Variants in C5orf22 observed in about 807,000 individuals in gnomAD.
C5orf22 encodes chromosome 5 open reading frame 22, also known as UPF0489 protein C5orf22.
Under a neutral mutation model 48.7 loss-of-function variants are expected in C5orf22, and 36 were observed. The observed-to-expected ratio is 0.74, with a 90% CI of 0.57 to 0.98. C5orf22 has a LOEUF of 0.98. C5orf22 is among the 50% of genes least tolerant of loss of function. The pLI is 0.00. For synonymous variants in C5orf22, 141 were observed against 180.8 expected, an observed-to-expected ratio of 0.78 and a Z score of 1.76; for missense variants, 486 against 521.9, an observed-to-expected ratio of 0.93 and a Z score of 0.67.
intron 3 of C5orf22, among the ~76,000 whole-genome samples, chr5:31,536,757 T>C (rs1219828227): frequency 1.3e-5 from 2 of 152,222 alleles, no homozygotes; most frequent in Non-Finnish European, 2.9e-5. Flanking sequence ...TTTAACAATG[T>C]TTTGTGTATC....
chr5:31,532,326 G>A lies in C5orf22; in HGVS notation c.-67G>A. The A allele has an allele frequency of 1.3e-6, 2 of 1,549,672 alleles. No homozygotes were observed. The highest frequency in any genetic ancestry group is 1.8e-6 in the Non-Finnish European group (2 of 1,122,816). ...GCCCGGAGAGAGCTGGCCGGGATGA[G>A]GCGCCGGCTTTCCCGGGTCTTCTCC... On this transcript the variant is annotated 5_prime_UTR_variant, in exon 1 of 9. Transcript: ENST00000325366.
intron 5 of C5orf22, 79 bp from the exon 6 acceptor site, chr5:31,541,202 C>T: frequency 6.8e-7 from 1 of 1,478,652 alleles, no homozygotes; most frequent in South Asian, 1.2e-5. Flanking sequence ...CTAATAGAGC[C>T]AAGTTTTTTT....
chr5:31,543,249 C>T (rs1403905781), intron 6 of C5orf22, among the ~76,000 whole-genome samples: 2 of 152,178 alleles, frequency 1.3e-5, no homozygotes, highest in African/African-American at 4.8e-5. Flanking sequence ...TTAATCACAT[C>T]AGTAAGTATT....
In C5orf22 at chr5:31,547,183, C is replaced by T. The variant is rs576821733; in HGVS notation, c.1059+1471C>T. On this transcript the variant is annotated intron_variant, in intron 7 of 8. Transcript: ENST00000325366. ...GCAGTCAAATCTTAAAGCTCCAAAA[C>T]GATCGTCTTTGACTCCATGTCTCAC... Among the ~76,000 whole-genome samples the T allele has an allele frequency of 2.2e-4, 34 of 152,368 alleles. No homozygotes were observed. In the East Asian group the frequency reaches 5.8e-3, roughly 26 times the overall value.
chr5:31,544,235 A>G (rs966384842), intron 6 of C5orf22, among the ~76,000 whole-genome samples: 2 of 152,158 alleles, frequency 1.3e-5, no homozygotes, highest in Non-Finnish European at 2.9e-5. Flanking sequence ...TTAAAACACT[A>G]GAAGCATTAG....
In C5orf22 at chr5:31,532,331, C is replaced by T. The variant is rs773093925; in HGVS notation, c.-62C>T. The stretch of plus-strand genomic sequence containing the variant: ...GAGAGAGCTGGCCGGGATGAGGCGC[C>T]GGCTTTCCCGGGTCTTCTCCAGCTG... On this transcript the variant is annotated 5_prime_UTR_variant, in exon 1 of 9. Transcript: ENST00000325366. The T allele has an allele frequency of 1.0e-4, 161 of 1,565,268 alleles. No individual in the cohort carries two copies. The highest frequency in any genetic ancestry group is 1.3e-4 in the Non-Finnish European group (151 of 1,136,858).
chr5:31,543,397 G>A (rs1268303510), intron 6 of C5orf22, among the ~76,000 whole-genome samples: 1 of 152,018 alleles, frequency 6.6e-6, no homozygotes, highest in Non-Finnish European at 1.5e-5. Flanking sequence ...GTGAAATCCT[G>A]TCTCTACAAA....
At chr5:31,542,935 G>A (rs1742563064) in intron 6 of C5orf22, among the ~76,000 whole-genome samples, 1 of 152,144 alleles carries the variant, frequency 6.6e-6, no homozygotes, top group Non-Finnish European at 1.5e-5. Context: ...CTTTAGGCCA[G>A]AACATGAACA....
chr5:31,539,880 TA>T (rs201735364), intron 4 of C5orf22, among the ~76,000 whole-genome samples: 3 of 151,522 alleles, frequency 2.0e-5, no homozygotes, highest in African/African-American at 4.8e-5. Context: ...CCATCTCTAT[TA>T]AAAAAAAATT....
rs1268821742 is a variant in C5orf22, at chr5:31,552,936, GGTTTAGTAACAGGCCCTTA to G, written c.*35_*53del. 1 of 1,604,304 alleles carries G rather than the reference GGTTTAGTAACAGGCCCTTA, an allele frequency of 6.2e-7. No individual in the cohort carries two copies. Among genetic ancestry groups the G allele is most frequent in the African/African-American group, 1.3e-5 (1 of 74,506 alleles). On this transcript the variant is annotated 3_prime_UTR_variant, in exon 9 of 9. Coordinates refer to ENST00000325366, the MANE Select transcript of C5orf22 (RefSeq NM_018356.3). ...AAACATTAGGCTCCTGTTGTATCTT[GGTTTAGTAACAGGCCCTTA>G]ATTAACTTATTTGTACATGAGTCTT...
chr5:31,535,199 TA>T (rs1198714832), intron 2 of C5orf22: 13 of 334,814 alleles, frequency 3.9e-5, no homozygotes. Context: ...CAAGTGTGAA[TA>T]ACCATAGTTT....
intron 6 of C5orf22, among the ~76,000 whole-genome samples, chr5:31,542,101 A>G (rs1742501847): frequency 6.6e-6 from 1 of 152,146 alleles, no homozygotes; most frequent in Non-Finnish European, 1.5e-5. Context: ...AAGTAGAGTA[A>G]GAAAGAAATA....
chr5:31,549,113 G>A (rs953534226), intron 7 of C5orf22, among the ~76,000 whole-genome samples: 1 of 152,116 alleles, frequency 6.6e-6, no homozygotes, highest in Non-Finnish European at 1.5e-5. Flanking sequence ...CAGCTACTCG[G>A]GAGGCTGAGG....
chr5:31,551,860 A>AT (rs1450751161), intron 8 of C5orf22, among the ~76,000 whole-genome samples: 5 of 152,166 alleles, frequency 3.3e-5, no homozygotes, highest in East Asian at 1.9e-4. Context: ...GTTTGTGGTG[A>AT]TTTTTTATAG....
Position 31,545,644 on chromosome 5 carries a change from A to G in C5orf22, c.993-2A>G, listed in dbSNP as rs764011319. On this transcript the variant is annotated splice_acceptor_variant, in intron 6 of 8. Coordinates refer to ENST00000325366, the MANE Select transcript of C5orf22 (RefSeq NM_018356.3). LOFTEE classifies it high-confidence loss of function. ...TAATTGAGTGGGATGGCTTTTTTCC[A>G]GAATGGAATCACTAGTTCCCCTTGT... is the stretch of plus-strand genomic sequence containing the variant. 1 of 1,609,582 alleles carries G rather than the reference A, an allele frequency of 6.2e-7. No homozygotes were observed. Among genetic ancestry groups the G allele is most frequent in the South Asian group, 1.1e-5 (1 of 90,374 alleles).
In C5orf22 at chr5:31,552,780, C is replaced by A. The variant is rs771832402; in HGVS notation, c.1207C>A (p.Leu403Met). 108 of 1,613,122 alleles carry A rather than the reference C, an allele frequency of 6.7e-5. No individual in the cohort carries two copies. In the East Asian group the frequency reaches 1.7e-3, roughly 26 times the overall value. Residue 403 changes from leucine (L) to methionine (M), a missense_variant, in exon 9 of 9, where the codon CTG (leucine) becomes ATG (methionine). Leu to Met is a conservative substitution (Grantham distance 15). This residue lies in a region of C5orf22 where 408 missense variants were observed against 444.0 expected (regional missense o/e 0.92). Transcript: ENST00000325366. Reference sequence around the variant, plus strand: ...TCTTTCTGTTGGTTCTAGGTCAAGTCTGGATGATTACTGTCCTTCTGACCA... The same window carrying A: ...TCTTTCTGTTGGTTCTAGGTCAAGTATGGATGATTACTGTCCTTCTGACCA... ...PTLVTIARSS[L>M]DDYCPSDQVD... is the part of the protein sequence containing the mutation.
At position 31,552,936 on chromosome 5, in the gene C5orf22, G is replaced by C. The variant is rs761227162; in HGVS notation, c.*34G>C. ...AAACATTAGGCTCCTGTTGTATCTTGGTTTAGTAACAGGCCCTTAATTAAC... is the reference window on the plus strand; with the variant it reads ...AAACATTAGGCTCCTGTTGTATCTTCGTTTAGTAACAGGCCCTTAATTAAC... On this transcript the variant is annotated 3_prime_UTR_variant, in exon 9 of 9. Coordinates refer to ENST00000325366, the MANE Select transcript of C5orf22 (RefSeq NM_018356.3). The C allele has an allele frequency of 6.2e-7, 1 of 1,604,422 alleles. No individual in the cohort carries two copies. Among genetic ancestry groups the C allele is most frequent in the Non-Finnish European group, 8.5e-7 (1 of 1,174,548 alleles).
chr5:31,552,671 C>A, intron 8 of C5orf22, 102 bp from the exon 9 acceptor site: 1 of 1,050,270 alleles, frequency 9.5e-7, no homozygotes, highest in Non-Finnish European at 1.4e-6. Context: ...TTCAGCACAC[C>A]TTAATTTCTG....
chr5:31,544,940 A>G (rs949351079), intron 6 of C5orf22, among the ~76,000 whole-genome samples: 1 of 151,248 alleles, frequency 6.6e-6, no homozygotes, highest in African/African-American at 2.4e-5. Flanking sequence ...CTCAATAGTA[A>G]TAATAATTGT....
Sources: gnomAD v4.1 joint callset for allele counts (sites outside exome capture counted in the v4.1 genomes callset) on GRCh38, gnomAD v4.1.1 for gene constraint, gnomAD v4.1.1 regional missense constraint, MANE v1.5 for transcripts, NCBI Gene and HGNC (gene_info 2026-07-23, HGNC 2026-07-21) for gene names.